The following TRAM2 variants were observed in gnomAD, a reference collection of about 807,000 sequenced individuals.
The protein encoded by TRAM2 is translocation associated membrane protein 2, also known as translocating chain-associated membrane protein 2.
Under a neutral mutation model 51.0 loss-of-function variants are expected in TRAM2, and 12 were observed. The observed-to-expected ratio is 0.24, with a 90% CI of 0.15 to 0.38. The LOEUF is 0.38. Among genes scored for constraint, TRAM2 ranks in the 10% least tolerant of loss-of-function variants. The pLI is 1.00. For synonymous variants in TRAM2, 175 were observed against 179.4 expected (o/e 0.98, Z 0.20); for missense variants, 361 against 462.0 (o/e 0.78, Z 2.00).
chr6:52,554,766 C>T (rs1342566135), intron 1 of TRAM2, among the ~76,000 whole-genome samples: 3 of 133,398 alleles, frequency 2.2e-5, no homozygotes, highest in Admixed American at 7.7e-5. Context: ...AGAGTCAATC[C>T]TTTTTTTTTT....
chr6:52,573,485 T>C (rs1767713958), intron 1 of TRAM2, among the ~76,000 whole-genome samples: 1 of 152,328 alleles, frequency 6.6e-6, no homozygotes, highest in African/African-American at 2.4e-5. Flanking sequence ...AGCCAAGTGC[T>C]GTGGCTGCAC....
chr6:52,575,594 A>G (rs1252277772), intron 1 of TRAM2, among the ~76,000 whole-genome samples: 1 of 152,192 alleles, frequency 6.6e-6, no homozygotes, highest in Non-Finnish European at 1.5e-5. Flanking sequence ...TCGCCAGCCA[A>G]TTAGGGCCCT....
intron 1 of TRAM2, among the ~76,000 whole-genome samples, chr6:52,571,692 G>C (rs186715756): frequency 7.9e-4 from 121 of 152,352 alleles, no homozygotes; most frequent in Non-Finnish European, 1.5e-3. Flanking sequence ...CTGGGGTAGA[G>C]AGATTGGTCT....
In TRAM2 at chr6:52,500,864, A is replaced by T. The variant is rs1298689023; in HGVS notation, c.*2333T>A. 6.6e-6 allele frequency: 1 copy of T among 152,134 alleles called. No homozygotes were observed. Among genetic ancestry groups the T allele is most frequent in the East Asian group, 1.9e-4 (1 of 5,188 alleles). The allele number at this position is 152,134 out of a possible 1,614,324, so 9.4% of individuals were successfully genotyped here. ...GCCATACATATCTGTTGAAGCCACA[A>T]CTCAACAGTTTAACCTGGACTCACC... On this transcript the variant is annotated 3_prime_UTR_variant, in exon 11 of 11. Transcript: ENST00000182527.
chr6:52,566,059 T>A (rs1007812715), intron 1 of TRAM2, among the ~76,000 whole-genome samples: 5 of 152,220 alleles, frequency 3.3e-5, no homozygotes, highest in Admixed American at 6.5e-5. Flanking sequence ...AGAAGTTACA[T>A]GAGATGCAAA....
intron 1 of TRAM2, among the ~76,000 whole-genome samples, chr6:52,575,073 G>A (rs1021385495): frequency 6.6e-6 from 1 of 152,200 alleles, no homozygotes; most frequent in African/African-American, 2.4e-5. Context: ...CTGGGCAAAG[G>A]AAATTCTGTT....
At chr6:52,529,961 T>C (rs1002167456) in intron 2 of TRAM2, 6 of 152,110 alleles carry the variant, frequency 3.9e-5, no homozygotes, top group African/African-American at 1.4e-4. Context: ...ACTCAGAGTG[T>C]GTAATGGTAA....
chr6:52,569,212 T>C lies in TRAM2; in HGVS notation c.120+7584A>G, dbSNP rs144591901. Reference sequence around the variant, plus strand: ...GAGTTCGAGACCAGCCTGGCCAAAATAGTGAAACCCCATCTCCACAAAAAT... The same window carrying C: ...GAGTTCGAGACCAGCCTGGCCAAAACAGTGAAACCCCATCTCCACAAAAAT... On this transcript the variant is annotated intron_variant, in intron 1 of 10. Transcript: ENST00000182527. Among the ~76,000 whole-genome samples, 924 of 151,968 alleles carry C rather than the reference T, an allele frequency of 6.1e-3. 8 individuals carry two copies. Among genetic ancestry groups the C allele is most frequent in the African/African-American group, 0.021 (873 of 41,384 alleles).
intron 1 of TRAM2, among the ~76,000 whole-genome samples, chr6:52,570,421 C>T (rs906217633): frequency 1.3e-5 from 2 of 152,146 alleles, no homozygotes; most frequent in African/African-American, 4.8e-5. Context: ...ATAAAGCAGC[C>T]GGTGGCTACA....
chr6:52,540,025 C>T (rs771164877), intron 1 of TRAM2, among the ~76,000 whole-genome samples: 12 of 151,650 alleles, frequency 7.9e-5, no homozygotes, highest in Non-Finnish European at 1.2e-4. Context: ...AATACTAGAT[C>T]CCAGTATTTT....
rs1293336359 is a variant in TRAM2, at chr6:52,499,171, T to C, written c.*4026A>G. 1 of 152,062 alleles carries C rather than the reference T, an allele frequency of 6.6e-6. No individual in the cohort carries two copies. The highest frequency in any genetic ancestry group is 1.5e-5 in the Non-Finnish European group (1 of 68,008). The allele number at this position is 152,062 out of a possible 1,614,324, so 9.4% of individuals were successfully genotyped here. The stretch of plus-strand genomic sequence containing the variant: ...AGCTGGAGAGAGATCCTATTTAGGT[T>C]TTCCAGTCATCTGACAATGACCTAA... On this transcript the variant is annotated 3_prime_UTR_variant, in exon 11 of 11. Coordinates refer to ENST00000182527, the MANE Select transcript of TRAM2 (RefSeq NM_012288.4).
At chr6:52,505,061 G>A (rs1018388955) in intron 9 of TRAM2, among the ~76,000 whole-genome samples, 2 of 152,206 alleles carry the variant, frequency 1.3e-5, no homozygotes, top group African/African-American at 2.4e-5. Flanking sequence ...TCTGTTTTGC[G>A]CCCATTGCAC....
intron 2 of TRAM2, among the ~76,000 whole-genome samples, chr6:52,519,990 G>A (rs942904920): frequency 1.4e-4 from 21 of 152,206 alleles, no homozygotes; most frequent in African/African-American, 5.1e-4. Flanking sequence ...CCAAGGGCTG[G>A]GAGTGAGAGG....
chr6:52,575,414 G>A (rs1444755850), intron 1 of TRAM2, among the ~76,000 whole-genome samples: 1 of 152,162 alleles, frequency 6.6e-6, no homozygotes, highest in Non-Finnish European at 1.5e-5. Flanking sequence ...GAGAGGGAGA[G>A]GAAGGAGAGA....
intron 4 of TRAM2, among the ~76,000 whole-genome samples, chr6:52,510,303 CT>C (rs1766429155): frequency 6.6e-6 from 1 of 152,208 alleles, no homozygotes; most frequent in South Asian, 2.1e-4. Flanking sequence ...CATGAAAATC[CT>C]TCCATCACAA....
intron 1 of TRAM2, among the ~76,000 whole-genome samples, chr6:52,568,630 T>C (rs1767627779): frequency 6.6e-6 from 1 of 152,196 alleles, no homozygotes; most frequent in Non-Finnish European, 1.5e-5. Flanking sequence ...AAGGAGCTGA[T>C]AAATAATTAT....
intron 4 of TRAM2, among the ~76,000 whole-genome samples, chr6:52,511,584 G>A (rs1766452875): frequency 6.6e-6 from 1 of 152,170 alleles, no homozygotes; most frequent in African/African-American, 2.4e-5. Context: ...TCAGAATGAG[G>A]CCAACAGGGT....
chr6:52,516,998 A>G lies in TRAM2; in HGVS notation c.185-261T>C, dbSNP rs1581872979. 7 of 452,380 alleles carry G rather than the reference A, an allele frequency of 1.5e-5. No individual in the cohort carries two copies. In the East Asian group the frequency reaches 3.0e-4, roughly 19 times the overall value. 28.0% of individuals were successfully genotyped at this position (452,380 alleles called of 1,614,324 possible). On this transcript the variant is annotated intron_variant, in intron 2 of 10. Coordinates refer to ENST00000182527, the MANE Select transcript of TRAM2 (RefSeq NM_012288.4). ...AGTATCTCCTGAGTCTGTGCAGCAG[A>G]GCACAGTGGTTATAACAGAGCCAGG...
In TRAM2 at chr6:52,499,274, C is replaced by T. The variant is rs1257105217; in HGVS notation, c.*3923G>A. The stretch of plus-strand genomic sequence containing the variant: ...AAGGCAGAGTGAGGGAGGAAGAGCA[C>T]TCCATTGTCTTGACTCAAAAGCTTT... On this transcript the variant is annotated 3_prime_UTR_variant, in exon 11 of 11. Coordinates refer to ENST00000182527, the MANE Select transcript of TRAM2 (RefSeq NM_012288.4). The T allele has an allele frequency of 2.0e-5, 3 of 152,246 alleles. No homozygotes were observed. The South Asian group carries it at 6.2e-4, about 32-fold the overall frequency. The allele number at this position is 152,246 out of a possible 1,614,324, so 9.4% of individuals were successfully genotyped here. A position where few individuals can be genotyped will look rare whatever the true frequency, so the allele number is the denominator to read the frequency against.
Sources: gnomAD v4.1 joint callset for allele counts (sites outside exome capture counted in the v4.1 genomes callset) on GRCh38, gnomAD v4.1.1 for gene constraint, MANE v1.5 for transcripts, NCBI Gene and HGNC (gene_info 2026-07-23, HGNC 2026-07-21) for gene names.